Variants in POLR2F observed in about 807,000 individuals in gnomAD.
The protein encoded by POLR2F is DNA-directed RNA polymerases I, II, and III subunit RPABC2.
In POLR2F, 12 loss-of-function variants were observed where a neutral mutation model predicts 22.7. The observed-to-expected ratio is 0.53, with a 90% CI of 0.34 to 0.86. POLR2F has a LOEUF of 0.86. Ranked by LOEUF, POLR2F falls within the 40% of genes least tolerant of loss-of-function variation. The pLI, the probability that POLR2F is intolerant of heterozygous loss-of-function variation, is 0.02. For missense variants in POLR2F, 126 were observed against 171.5 expected, an observed-to-expected ratio of 0.73 and a Z score of 1.48; for synonymous variants, 57 against 66.0, an observed-to-expected ratio of 0.86 and a Z score of 0.66.
chr22:38,040,007 C>G (rs546961659), intron 5 of POLR2F, among the ~76,000 whole-genome samples: 2 of 152,226 alleles, frequency 1.3e-5, no homozygotes, highest in South Asian at 4.1e-4. Context: ...GGTGTGGTGG[C>G]TCACACCTGT....
intron 1 of POLR2F, among the ~76,000 whole-genome samples, chr22:37,954,394 C>T (rs1385413249): frequency 2.0e-5 from 3 of 152,062 alleles, no homozygotes; most frequent in Admixed American, 1.3e-4. Context: ...CCTCCACCTC[C>T]GGGGTTCAAG....
chr22:37,958,087 C>G (rs1416830917), intron 2 of POLR2F, among the ~76,000 whole-genome samples: 1 of 152,040 alleles, frequency 6.6e-6, no homozygotes, highest in Admixed American at 6.6e-5. Flanking sequence ...TCATAGCGCA[C>G]TACAGCCTTG....
At position 38,003,723 on chromosome 22, in the gene POLR2F, C is replaced by T. The variant is rs150053290; in HGVS notation, c.120+17411C>T. On this transcript the variant is annotated intron_variant, in intron 1 of 2. Coordinates refer to the POLR2F transcript ENST00000333418. The stretch of plus-strand genomic sequence containing the variant: ...TCCCAAGTAGCTGGGATTACTGGTG[C>T]GCGCCACCATGCCCAGCTAATTTTT... Among the ~76,000 whole-genome samples the T allele has an allele frequency of 1.1e-4, 17 of 151,842 alleles. No homozygotes were observed. The East Asian group carries it at 1.9e-3, about 17-fold the overall frequency.
downstream of POLR2F, chr22:37,973,476 G>A (rs1268289666): frequency 6.7e-7 from 1 of 1,488,936 alleles, no homozygotes; most frequent in Admixed American, 2.0e-5. Context: ...GGCGGGGGGT[G>A]GTGGCGACAG....
chr22:37,974,798 G>C lies in POLR2F; in HGVS notation c.293+7628G>C, dbSNP rs1932175981. Among the ~76,000 whole-genome samples the C allele has an allele frequency of 6.6e-6, 1 of 152,214 alleles. No homozygotes were observed. On this transcript the variant is annotated intron_variant, in intron 4 of 4. Coordinates refer to the POLR2F transcript ENST00000405557. The surrounding 1 kb of genome is among the most constrained non-coding windows in gnomAD (Gnocchi z 5.4). ...TCTTCCTCTCATCAGCTTCTCTGCT[G>C]TCCAGGTGGTCTGGCCCAGCCTTTG...
At chr22:37,956,965 C>T (rs1274393377) in intron 2 of POLR2F, 123 bp downstream of exon 2, 2 of 779,242 alleles carry the variant, frequency 2.6e-6, no homozygotes, top group African/African-American at 3.4e-5. Flanking sequence ...TAAGCATTCC[C>T]AGTTAGAGTG....
chr22:37,996,147 G>A (rs1014466747), intron 1 of POLR2F, among the ~76,000 whole-genome samples: 2 of 152,206 alleles, frequency 1.3e-5, no homozygotes, highest in Non-Finnish European at 2.9e-5. Context: ...GGTTTAATGG[G>A]CAGCCAAGCC....
At chr22:37,975,915 T>C (rs1601880671) in intron 4 of POLR2F, among the ~76,000 whole-genome samples, 2 of 151,688 alleles carry the variant, frequency 1.3e-5, no homozygotes, top group East Asian at 1.9e-4. Context: ...TGTGCACTTG[T>C]TTCTCTCTCT....
intron 1 of POLR2F, chr22:37,987,220 C>T (rs1932608322): frequency 2.2e-6 from 1 of 456,564 alleles, no homozygotes; most frequent in South Asian, 1.5e-5. Context: ...AGGCTTCCTT[C>T]CATGGCCCAA....
chr22:37,966,931 C>T (rs926024959), intron 3 of POLR2F, among the ~76,000 whole-genome samples, 168 bp from the exon 4 acceptor site: 1 of 152,148 alleles, frequency 6.6e-6, no homozygotes, highest in Non-Finnish European at 1.5e-5. Context: ...TAGGCCTCTG[C>T]CAGGGAAGAT....
chr22:37,961,248 G>T (rs1931629983), intron 3 of POLR2F, among the ~76,000 whole-genome samples: 1 of 151,980 alleles, frequency 6.6e-6, no homozygotes, highest in Admixed American at 6.6e-5. Context: ...GTGGAGATAG[G>T]GGTCTTGCTA....
intron 1 of POLR2F, among the ~76,000 whole-genome samples, chr22:38,021,928 C>T (rs943156302): frequency 6.7e-6 from 1 of 149,936 alleles, no homozygotes; most frequent in South Asian, 2.1e-4. Flanking sequence ...GTCAGGCATT[C>T]GAGATCAGCC....
At chr22:38,010,234 A>T (rs929699839) in intron 1 of POLR2F, among the ~76,000 whole-genome samples, 7 of 151,936 alleles carry the variant, frequency 4.6e-5, no homozygotes, top group African/African-American at 1.2e-4. Flanking sequence ...TATTAACTAG[A>T]TATTGCAGTG....
At chr22:37,955,411 TG>T (rs1346208762) in intron 1 of POLR2F, among the ~76,000 whole-genome samples, 1 of 151,678 alleles carries the variant, frequency 6.6e-6, no homozygotes, top group Non-Finnish European at 1.5e-5. Context: ...TGGTGGCGTG[TG>T]CCTATAATCC....
rs866341604 is a variant in POLR2F at position 37,986,573 on chromosome 22, C to T, written c.120+261C>T. 1 of 772,104 alleles carries T rather than the reference C, an allele frequency of 1.3e-6. No homozygotes were observed. 47.8% of individuals were successfully genotyped at this position (772,104 alleles called of 1,614,324 possible). ...GGTAGCAGTGGGCACGCTCTGTCTG[C>T]AGGAAGCCACGCTAGACAGAAGGGG... On this transcript the variant is annotated intron_variant, in intron 1 of 2. Coordinates refer to the POLR2F transcript ENST00000333418. This position sits in a 1 kb window ranked among gnomAD's most constrained non-coding sequence, Gnocchi z 4.7.
upstream of POLR2F, chr22:37,984,290 C>T (rs1932502758): frequency 6.5e-6 from 1 of 154,076 alleles, no homozygotes; most frequent in South Asian, 2.0e-4. The surrounding 1 kb of genome is among the most constrained non-coding windows in gnomAD (Gnocchi z 4.4). Flanking sequence ...CACCTCACAG[C>T]AGGGTCCCAG....
At chr22:37,966,810 G>T (rs1931869187) in intron 3 of POLR2F, among the ~76,000 whole-genome samples, 1 of 152,136 alleles carries the variant, frequency 6.6e-6, no homozygotes. Flanking sequence ...AGGTGCACTG[G>T]GCACTGAGGC....
chr22:38,040,679 A>G, intron 5 of POLR2F: 1 of 270,538 alleles, frequency 3.7e-6, no homozygotes, highest in South Asian at 6.0e-5. Context: ...TTGAATCAAT[A>G]CACAGATGCC....
At chr22:38,037,439 A>ATCT (rs2085127127) in intron 5 of POLR2F, among the ~76,000 whole-genome samples, 1 of 124,206 alleles carries the variant, frequency 8.1e-6, no homozygotes, top group African/African-American at 3.2e-5. Flanking sequence ...ATGCTCGGCT[A>ATCT]TTTTTTTTTT....
Sources: gnomAD v4.1 joint callset for allele counts (sites outside exome capture counted in the v4.1 genomes callset) on GRCh38, gnomAD v4.1.1 for gene constraint, Gnocchi (gnomAD v3.1) non-coding constraint, MANE v1.5 for transcripts, NCBI Gene and HGNC (gene_info 2026-07-23, HGNC 2026-07-21) for gene names.